Variants in VWA5A observed in about 807,000 individuals in gnomAD.
VWA5A encodes von Willebrand factor A domain containing 5A.
Under a neutral mutation model 84.6 loss-of-function variants are expected in VWA5A, and 77 were observed. The observed-to-expected ratio is 0.91, with a 90% confidence interval of 0.76 to 1.10. The LOEUF (loss-of-function observed/expected upper bound fraction) is 1.10, where lower values mean the gene tolerates loss of function less well. VWA5A is among the 50% of genes least tolerant of loss of function. The pLI, the probability that VWA5A is intolerant of heterozygous loss-of-function variation, is 0.00. For missense variants in VWA5A, 973 were observed against 963.0 expected (o/e 1.01, Z -0.14); for synonymous variants, 334 against 350.1 (o/e 0.95, Z 0.51).
chr11:124,123,349 T>G lies in VWA5A; in HGVS notation c.931-17T>G, dbSNP rs769087536. 6 of 1,609,584 alleles carry G rather than the reference T, an allele frequency of 3.7e-6. No individual in the cohort carries two copies. Among genetic ancestry groups the G allele is most frequent in the Non-Finnish European group, 5.1e-6 (6 of 1,178,192 alleles). On this transcript the variant is annotated splice_polypyrimidine_tract_variant and intron_variant, in intron 8 of 18. Coordinates refer to ENST00000456829, the MANE Select transcript of VWA5A (RefSeq NM_001130142.2). ...GAGCCTCTCTCACTCTGTCTCTTCA[T>G]ACTCTCTTACCTTCAGGAAACACTG...
At chr11:124,129,318 A>T (rs1175255882) in intron 11 of VWA5A, among the ~76,000 whole-genome samples, 1 of 152,190 alleles carries the variant, frequency 6.6e-6, no homozygotes, top group East Asian at 1.9e-4. Flanking sequence ...CTTGCCTCCC[A>T]GGGATGAAGC....
intron 11 of VWA5A, among the ~76,000 whole-genome samples, chr11:124,129,485 T>C (rs1328289707): frequency 2.0e-5 from 3 of 152,220 alleles, no homozygotes; most frequent in Non-Finnish European, 4.4e-5. Flanking sequence ...AAGATGATGC[T>C]GGCTTCATAA....
In VWA5A at chr11:124,123,121, G is replaced by A. The variant is rs1565615812; in HGVS notation, c.922G>A (p.Ala308Thr). 3 of 1,610,896 alleles carry A rather than the reference G, an allele frequency of 1.9e-6. No individual in the cohort carries two copies. Among genetic ancestry groups the A allele is most frequent in the African/African-American group, 2.7e-5 (2 of 74,742 alleles). Residue 308 changes from alanine (A) to threonine (T), a missense_variant, in exon 8 of 19, where the codon GCA (alanine) becomes ACA (threonine). Coordinates refer to ENST00000456829, the MANE Select transcript of VWA5A (RefSeq NM_001130142.2). Reference protein sequence around the residue: ...SQDTSQLRIQAAKETLILLLK... With the variant: ...SQDTSQLRIQTAKETLILLLK... ...GGATACATCTCAGCTGCGAATACAG[G>A]CAGCCAAGGTAAAGCTAGTTTCTTT...
At chr11:124,135,561 C>T (rs1408708043) in intron 12 of VWA5A, among the ~76,000 whole-genome samples, 2 of 114,442 alleles carry the variant, frequency 1.7e-5, no homozygotes, top group African/African-American at 7.1e-5. Context: ...GACGGAGTCT[C>T]GCTCTGTCGC....
At chr11:124,131,783 TTC>T (rs920456541) in intron 11 of VWA5A, among the ~76,000 whole-genome samples, 2 of 151,780 alleles carry the variant, frequency 1.3e-5, no homozygotes, top group African/African-American at 4.8e-5. Flanking sequence ...TTTTAAAATT[TTC>T]TCTTTTTCTT....
chr11:124,135,791 A>G (rs1865171673), intron 12 of VWA5A, among the ~76,000 whole-genome samples: 1 of 151,394 alleles, frequency 6.6e-6, no homozygotes, highest in South Asian at 2.1e-4. Flanking sequence ...CGGCCTCCCA[A>G]AGTGCTGGGA....
intron 17 of VWA5A, among the ~76,000 whole-genome samples, chr11:124,143,661 A>G (rs1305083492): frequency 6.6e-6 from 1 of 152,188 alleles, no homozygotes; most frequent in Admixed American, 6.5e-5. Context: ...TACCTCTTTT[A>G]CTTTTTAAAA....
chr11:124,119,079 C>T lies in VWA5A; in HGVS notation c.750C>T (p.Asn250=), dbSNP rs150692923. 8 of 1,613,830 alleles carry T rather than the reference C, an allele frequency of 5.0e-6. No homozygotes were observed. The highest frequency in any genetic ancestry group is 4.4e-5 in the South Asian group (4 of 90,980). The change falls in exon 7 of 19, where the codon AAC becomes AAT. Residue 250 remains asparagine, a synonymous_variant. Coordinates refer to ENST00000456829, the MANE Select transcript of VWA5A (RefSeq NM_001130142.2). ...PSVVLEMGMP[N]MKPGHLMGDP... Reference sequence around the variant, plus strand: ...TGGTTTTGGAGATGGGGATGCCTAACATGAAGCCAGGTATTTTCTTTCTTC... The same window carrying T: ...TGGTTTTGGAGATGGGGATGCCTAATATGAAGCCAGGTATTTTCTTTCTTC...
At chr11:124,135,518 A>ATTTTT (rs1865162261) in intron 12 of VWA5A, among the ~76,000 whole-genome samples, 8 of 98,094 alleles carry the variant, frequency 8.2e-5, no homozygotes, top group African/African-American at 1.6e-4. Context: ...CTCTGGTGGT[A>ATTTTT]TTTCTTTTTT....
At position 124,119,007 on chromosome 11, in the gene VWA5A, G is replaced by A. The variant is rs770813456; in HGVS notation, c.678G>A (p.Arg226=). 1.9e-6 allele frequency: 3 copies of A among 1,614,014 alleles called. No homozygotes were observed. Among genetic ancestry groups the A allele is most frequent in the South Asian group, 1.1e-5 (1 of 91,070 alleles). ...TGGCTGCTGGACACAAGTTTGATCG[G>A]GACGTGGAACTCCTGATTTACTACA... The part of the protein sequence containing the change: ...VSLAAGHKFD[R]DVELLIYYNE... The change falls in exon 7 of 19, where the codon CGG becomes CGA. Residue 226 remains arginine (R), a synonymous_variant. Transcript: ENST00000456829.
Position 124,145,934 on chromosome 11 carries a change from T to G in VWA5A, c.2350T>G (p.Phe784Val), listed in dbSNP as rs1395428412. 4.4e-6 allele frequency: 7 copies of G among 1,585,600 alleles called. No homozygotes were observed. The highest frequency in any genetic ancestry group is 6.0e-6 in the Non-Finnish European group (7 of 1,161,836). ...FLKSSVDPAI[F>V]AF ...GAAGTCATCTGTGGATCCTGCTATC[T>G]TTGCCTTTTGAAGATACCATCCAGA... Residue 784 changes from phenylalanine (F) to valine (V), a missense_variant, in exon 19 of 19, where the codon TTT (phenylalanine) becomes GTT (valine). Phe to Val is a conservative substitution (Grantham distance 50). Coordinates refer to ENST00000456829, the MANE Select transcript of VWA5A (RefSeq NM_001130142.2).
Position 124,123,051 on chromosome 11 carries a change from T to G in VWA5A, c.852T>G (p.Phe284Leu). The change falls in exon 8 of 19, where the codon TTT becomes TTG. Residue 284 changes from phenylalanine (F) to leucine (L), a missense_variant. Phe to Leu is a conservative substitution (Grantham distance 22). Transcript: ENST00000456829. ...CAAATACCTGTGGAGAGTTTATCTT[T>G]CTCATGGACCGCTCGGGAAGTATGC... Reference protein sequence around the residue: ...QPSNTCGEFIFLMDRSGSMQS... With the variant: ...QPSNTCGEFILLMDRSGSMQS... 1 of 1,614,162 alleles carries G rather than the reference T, an allele frequency of 6.2e-7. No homozygotes were observed. Among genetic ancestry groups the G allele is most frequent in the Non-Finnish European group, 8.5e-7 (1 of 1,180,024 alleles).
chr11:124,141,865 C>T lies in VWA5A; in HGVS notation c.2023+124C>T, dbSNP rs566410168. 27 of 1,323,536 alleles carry T rather than the reference C, an allele frequency of 2.0e-5. No individual in the cohort carries two copies. The African/African-American group carries it at 3.6e-4, about 17-fold the overall frequency. 82.0% of individuals were successfully genotyped at this position (1,323,536 alleles called of 1,614,324 possible). On this transcript the variant is annotated intron_variant, in intron 16 of 18. Coordinates refer to ENST00000456829, the MANE Select transcript of VWA5A (RefSeq NM_001130142.2). ...ATGCATGTTTCTCGAAGGGACCCCC[C>T]ATGCATTGGAAAAGATTCATTCCTC...
rs1375001181 is a variant in VWA5A, at chr11:124,118,615, C to T, written c.552C>T (p.Ala184=). Residue 184 remains alanine (A), a synonymous_variant, in exon 6 of 19, where the codon GCC becomes GCT. Transcript: ENST00000456829. ...EDLPYTLSMV[A]TIDSQHGIEK... ...TGCCCTACACACTCAGCATGGTCGC[C>T]ACCATAGATTCCCAGCATGGCATTG... 6.2e-7 allele frequency: 1 copy of T among 1,614,040 alleles called. No homozygotes were observed. Among genetic ancestry groups the T allele is most frequent in the Non-Finnish European group, 8.5e-7 (1 of 1,180,036 alleles).
At position 124,146,772 on chromosome 11, in the gene VWA5A, G is replaced by A. The variant is rs1256178042; in HGVS notation, c.*827G>A. The A allele has an allele frequency of 6.6e-6, 1 of 152,296 alleles. No homozygotes were observed. Among genetic ancestry groups the A allele is most frequent in the African/African-American group, 2.4e-5 (1 of 41,430 alleles). The allele number at this position is 152,296 out of a possible 1,614,324, so 9.4% of individuals were successfully genotyped here. ...CCTGGAGCACTTACCGCATTAGGAA[G>A]AAAGGAGCTCCCCGTAATCGTTCCT... On this transcript the variant is annotated 3_prime_UTR_variant, in exon 19 of 19. Coordinates refer to ENST00000456829, the MANE Select transcript of VWA5A (RefSeq NM_001130142.2).
chr11:124,144,074 T>C (rs1032074173), intron 17 of VWA5A, among the ~76,000 whole-genome samples: 6 of 151,954 alleles, frequency 3.9e-5, no homozygotes, highest in African/African-American at 1.5e-4. Context: ...TAGATGAAGA[T>C]AAAGACCAAG....
chr11:124,136,734 T>G, intron 14 of VWA5A, 60 bp downstream of exon 14: 3 of 1,314,928 alleles, frequency 2.3e-6, no homozygotes, highest in Non-Finnish European at 3.2e-6. Flanking sequence ...CCTTCCTTCC[T>G]TCCTTCCTTC....
chr11:124,133,788 C>G (rs78122983), intron 11 of VWA5A, among the ~76,000 whole-genome samples: 1 of 152,154 alleles, frequency 6.6e-6, no homozygotes, highest in African/African-American at 2.4e-5. Flanking sequence ...GTATTAGGAA[C>G]TGTGCTAGAT....
Position 124,117,683 on chromosome 11 carries a change from G to C in VWA5A, c.54G>C (p.Lys18Asn). The C allele has an allele frequency of 6.2e-7, 1 of 1,614,214 alleles. No individual in the cohort carries two copies. The highest frequency in any genetic ancestry group is 2.2e-5 in the East Asian group (1 of 44,878). ...CTGGTCTATCTCCAGTGCCGCTGAA[G>C]AGTATCTCTGTGAGCGTGAACATTT... ...LTLHREPVPL[K>N]SISVSVNIYE... Residue 18 changes from lysine (K) to asparagine (N), a missense_variant, in exon 4 of 19, where the codon AAG becomes AAC. Transcript: ENST00000456829.
Sources: allele counts gnomAD v4.1 joint callset (sites outside exome capture counted in the v4.1 genomes callset), GRCh38; gene constraint gnomAD v4.1.1; transcripts MANE v1.5; gene names NCBI Gene and HGNC (gene_info 2026-07-23, HGNC 2026-07-21).